Variants in EIF4ENIF1 observed in about 807,000 individuals in gnomAD.
EIF4ENIF1 encodes eukaryotic translation initiation factor 4E nuclear import factor 1.
In EIF4ENIF1, 23 loss-of-function variants were observed where a neutral mutation model predicts 110.5. The ratio of observed to expected loss-of-function variants is 0.21; its 90% CI spans 0.15 to 0.29. EIF4ENIF1 has a LOEUF of 0.29. Among genes scored for constraint, EIF4ENIF1 ranks in the 10% least tolerant of loss-of-function variants. EIF4ENIF1 has a pLI of 1.00. For synonymous variants in EIF4ENIF1, 440 were observed against 437.0 expected, an observed-to-expected ratio of 1.01 and a Z score of -0.09; for missense variants, 1,031 against 1,221.1, an observed-to-expected ratio of 0.84 and a Z score of 2.32.
chr22:31,468,352 A>G, intron 3 of EIF4ENIF1, 50 bp from the exon 4 acceptor site: 21 of 1,605,882 alleles, frequency 1.3e-5, no homozygotes, highest in Non-Finnish European at 1.7e-5. Flanking sequence ...TGAACCATAT[A>G]GGCAGTGTGA....
intron 2 of EIF4ENIF1, among the ~76,000 whole-genome samples, chr22:31,480,747 C>T (rs965002842): frequency 1.3e-5 from 2 of 151,936 alleles, no homozygotes; most frequent in African/African-American, 2.4e-5. Flanking sequence ...AGGAACAAAA[C>T]TCCCTCTGAA....
upstream of EIF4ENIF1, among the ~76,000 whole-genome samples, chr22:31,493,493 CTT>C (rs1309890797): frequency 1.3e-5 from 2 of 151,900 alleles, no homozygotes; most frequent in Admixed American, 6.6e-5. Context: ...ACCTGGCTAA[CTT>C]TTGTATTTTT....
Position 31,439,574 on chromosome 22 carries a change from C to T in EIF4ENIF1, c.*306G>A. The T allele has an allele frequency of 2.6e-6, 1 of 383,674 alleles. No individual in the cohort carries two copies. Among genetic ancestry groups the T allele is most frequent in the Non-Finnish European group, 4.8e-6 (1 of 210,154 alleles). 23.8% of individuals were successfully genotyped at this position (383,674 alleles called of 1,614,324 possible). Reference sequence around the variant, plus strand: ...TACATAAGGGTCTATACATTTATTTCCTCAGAACCCTTAGGTGCCACCTCT... The same window carrying T: ...TACATAAGGGTCTATACATTTATTTTCTCAGAACCCTTAGGTGCCACCTCT... On this transcript the variant is annotated 3_prime_UTR_variant, in exon 19 of 19. Coordinates refer to ENST00000330125, the MANE Select transcript of EIF4ENIF1 (RefSeq NM_019843.4).
upstream of EIF4ENIF1, among the ~76,000 whole-genome samples, chr22:31,490,650 T>C (rs570314828): frequency 6.6e-6 from 1 of 152,158 alleles, no homozygotes; most frequent in Non-Finnish European, 1.5e-5. Context: ...TGTCAAGTGC[T>C]TACCACGTAG....
At chr22:31,487,043 C>T (rs550845010) in intron 2 of EIF4ENIF1, among the ~76,000 whole-genome samples, 1 of 152,010 alleles carries the variant, frequency 6.6e-6, no homozygotes, top group African/African-American at 2.4e-5. Flanking sequence ...GCACTCCAGC[C>T]TGGGCAACAA....
intron 18 of EIF4ENIF1, 127 bp downstream of exon 18, chr22:31,440,577 C>A: frequency 8.3e-7 from 1 of 1,209,890 alleles, no homozygotes; most frequent in East Asian, 2.4e-5. Context: ...TCTGGTTACA[C>A]TTTGTCCCAA....
intron 18 of EIF4ENIF1, 38 bp downstream of exon 18, chr22:31,440,666 G>C (rs777713045): frequency 1.9e-6 from 3 of 1,599,290 alleles, no homozygotes; most frequent in Admixed American, 3.6e-5. Flanking sequence ...GACTCCCTAA[G>C]TCCGTCCCAA....
At chr22:31,446,945 C>G in intron 14 of EIF4ENIF1, 1 of 464,024 alleles carries the variant, frequency 2.2e-6, no homozygotes, top group South Asian at 1.6e-5. Context: ...AACCTGTCAG[C>G]TCTGGCCAAA....
At position 31,445,962 on chromosome 22, in the gene EIF4ENIF1, C is replaced by CG. The variant is rs1162632550; in HGVS notation, c.1989-1273_1989-1272insC. Among the ~76,000 whole-genome samples the CG allele has an allele frequency of 2.7e-5, 4 of 148,596 alleles. No individual in the cohort carries two copies. In the South Asian group the frequency reaches 6.8e-4, roughly 25 times the overall value. On this transcript the variant is annotated intron_variant, in intron 14 of 18. Coordinates refer to ENST00000330125, the MANE Select transcript of EIF4ENIF1 (RefSeq NM_019843.4). ...AATGCAGTTACGTACCGCCCCCCCC[C>CG]CCCATCTACCTCACAGGGTTGATAT...
chr22:31,455,795 C>A (rs2050795532), intron 8 of EIF4ENIF1, 57 bp downstream of exon 8: 7 of 1,605,156 alleles, frequency 4.4e-6, no homozygotes, highest in Non-Finnish European at 5.1e-6. Flanking sequence ...ATAAAATGAA[C>A]CATATCAGGG....
At position 31,489,840 on chromosome 22, in the gene EIF4ENIF1, A is replaced by T. The variant is rs1254903958; in HGVS notation, c.-174T>A. 6.6e-6 allele frequency: 1 copy of T among 151,104 alleles called. No homozygotes were observed. Among genetic ancestry groups the T allele is most frequent in the Non-Finnish European group, 1.5e-5 (1 of 67,842 alleles). 9.4% of individuals were successfully genotyped at this position (151,104 alleles called of 1,614,324 possible). On this transcript the variant is annotated 5_prime_UTR_variant, in exon 1 of 19. Transcript: ENST00000330125. ...GGGCTGTCTCTCTTCAGCCGCCGTAACTGCAGCCCGGCCCTCCGCCCCTCC... is the reference window on the plus strand; with the variant it reads ...GGGCTGTCTCTCTTCAGCCGCCGTATCTGCAGCCCGGCCCTCCGCCCCTCC...
chr22:31,454,234 T>C lies in EIF4ENIF1; in HGVS notation c.1422A>G (p.Gln474=), dbSNP rs1435783245. The C allele has an allele frequency of 1.9e-6, 3 of 1,614,164 alleles. No individual in the cohort carries two copies. In the East Asian group the frequency reaches 6.7e-5, roughly 36 times the overall value. Residue 474 remains glutamine, a synonymous_variant, in exon 10 of 19, where the codon CAA becomes CAG. Coordinates refer to ENST00000330125, the MANE Select transcript of EIF4ENIF1 (RefSeq NM_019843.4). ...CAGTCATGTCTCCGTCTTTCTTCAG[T>C]TGTCGATTGTTGGTTACGGCACTCA... ...ETLSAVTNNR[Q]LKKDGDMTAF...
At chr22:31,491,912 A>G (rs930233807), upstream of EIF4ENIF1, among the ~76,000 whole-genome samples, 1 of 152,186 alleles carries the variant, frequency 6.6e-6, no homozygotes, top group South Asian at 2.1e-4. Context: ...TACGTAACAA[A>G]CCACCCCAGA....
chr22:31,483,844 T>C (rs76710966), intron 2 of EIF4ENIF1, among the ~76,000 whole-genome samples: 2 of 152,274 alleles, frequency 1.3e-5, no homozygotes, highest in Non-Finnish European at 2.9e-5. Context: ...CTTAGGAATG[T>C]GGCCTAGAAA....
chr22:31,443,974 TA>T (rs1316856376), intron 15 of EIF4ENIF1, among the ~76,000 whole-genome samples: 1 of 152,052 alleles, frequency 6.6e-6, no homozygotes. Context: ...TTTTTTGTAT[TA>T]GGGGTAGAGA....
Position 31,471,889 on chromosome 22 carries a change from G to T in EIF4ENIF1, c.125C>A (p.Pro42His). The change falls in exon 3 of 19, where the codon CCC (proline) becomes CAC (histidine). Residue 42 changes from proline to histidine, a missense_variant. Coordinates refer to ENST00000330125, the MANE Select transcript of EIF4ENIF1 (RefSeq NM_019843.4). ...GCATGAAGGCCTCTGTTTGGAATGGGGGAGTTCTTTTATATCCAAGAGTTC... is the reference window on the plus strand; with the variant it reads ...GCATGAAGGCCTCTGTTTGGAATGGTGGAGTTCTTTTATATCCAAGAGTTC... ...KEELLDIKEL[P>H]HSKQRPSCLS... 6.2e-7 allele frequency: 1 copy of T among 1,604,572 alleles called. No homozygotes were observed. Among genetic ancestry groups the T allele is most frequent in the Non-Finnish European group, 8.5e-7 (1 of 1,177,530 alleles).
intron 4 of EIF4ENIF1, among the ~76,000 whole-genome samples, chr22:31,464,697 A>T (rs868410037): frequency 0.023 from 1,132 of 50,128 alleles, 46 homozygotes; most frequent in Admixed American, 0.034. Flanking sequence ...AAAAAAAAAA[A>T]AAATATATAT....
chr22:31,468,428 T>C, intron 3 of EIF4ENIF1, 126 bp from the exon 4 acceptor site: 4 of 1,363,404 alleles, frequency 2.9e-6, no homozygotes, highest in Non-Finnish European at 2.0e-6. Flanking sequence ...AGGGTCTCGC[T>C]CTGTCGCCCA....
At chr22:31,462,737 C>A (rs967154348) in intron 6 of EIF4ENIF1, among the ~76,000 whole-genome samples, 195 bp downstream of exon 6, 1 of 152,114 alleles carries the variant, frequency 6.6e-6, no homozygotes, top group East Asian at 1.9e-4. Flanking sequence ...GCACCAGCCA[C>A]CACACCCCAC....
Sources: allele counts gnomAD v4.1 joint callset (sites outside exome capture counted in the v4.1 genomes callset), GRCh38; gene constraint gnomAD v4.1.1; transcripts MANE v1.5; gene names NCBI Gene and HGNC (gene_info 2026-07-23, HGNC 2026-07-21).